KCNQ5: variants seen among roughly 807,000 people sequenced by gnomAD.
KCNQ5 encodes the protein potassium voltage-gated channel subfamily Q member 5.
Under a neutral mutation model 98.2 loss-of-function variants are expected in KCNQ5, and 30 were observed. The observed-to-expected ratio is 0.31, with a 90% CI of 0.23 to 0.41. The LOEUF is 0.41. KCNQ5 is among the 10% of genes least tolerant of loss of function. KCNQ5 has a pLI of 1.00. For missense variants in KCNQ5, 835 were observed against 1,182.5 expected, an observed-to-expected ratio of 0.71 and a Z score of 4.31; for synonymous variants, 458 against 449.4, an observed-to-expected ratio of 1.02 and a Z score of -0.24.
intron 1 of KCNQ5, among the ~76,000 whole-genome samples, chr6:72,676,214 C>T (rs1453651121): frequency 2.0e-5 from 3 of 152,126 alleles, no homozygotes; most frequent in Non-Finnish European, 4.4e-5. Flanking sequence ...CACAAAGACA[C>T]ATCAGCATGC....
intron 1 of KCNQ5, among the ~76,000 whole-genome samples, chr6:72,918,147 T>G (rs1394457801): frequency 6.6e-6 from 1 of 152,160 alleles, no homozygotes; most frequent in Non-Finnish European, 1.5e-5. Flanking sequence ...GAGTTTCCTG[T>G]GTCACTATGC....
chr6:72,836,679 C>T (rs1024230779), intron 1 of KCNQ5, among the ~76,000 whole-genome samples: 2 of 152,070 alleles, frequency 1.3e-5, no homozygotes, highest in African/African-American at 4.8e-5. Context: ...CTTCAGCAAT[C>T]CTCTTGCCTC....
chr6:73,048,431 C>T (rs1772068600), intron 3 of KCNQ5, among the ~76,000 whole-genome samples: 2 of 152,186 alleles, frequency 1.3e-5, no homozygotes, highest in South Asian at 4.1e-4. Flanking sequence ...ATAGGGGAGA[C>T]AGGCAGAGGT....
chr6:72,763,059 G>T lies in KCNQ5; in HGVS notation c.398+140472G>T, dbSNP rs555423196. On this transcript the variant is annotated intron_variant, in intron 1 of 13. Coordinates refer to ENST00000370398, the MANE Select transcript of KCNQ5 (RefSeq NM_019842.4). ...ATAAAAATTTGTTCCATAAATGGTA[G>T]ATTTTAGTTTACCTAGGGGTAAACT... 6.6e-5 allele frequency among the ~76,000 whole-genome samples: 10 copies of T among 151,952 alleles called. No homozygotes were observed. In the East Asian group the frequency reaches 1.2e-3, roughly 18 times the overall value.
intron 9 of KCNQ5, among the ~76,000 whole-genome samples, chr6:73,132,065 T>A (rs1776261751): frequency 6.6e-6 from 1 of 152,212 alleles, no homozygotes; most frequent in South Asian, 2.1e-4. Flanking sequence ...CAACTAGGCA[T>A]GGAAAAATAA....
intron 1 of KCNQ5, among the ~76,000 whole-genome samples, chr6:72,781,195 A>G (rs1331719544): frequency 1.3e-5 from 2 of 152,164 alleles, no homozygotes; most frequent in Non-Finnish European, 2.9e-5. Flanking sequence ...AGGAACATGA[A>G]GGCCAAGACA....
intron 1 of KCNQ5, among the ~76,000 whole-genome samples, chr6:72,792,812 T>C (rs990929842): frequency 6.6e-6 from 1 of 152,238 alleles, no homozygotes; most frequent in Non-Finnish European, 1.5e-5. Context: ...TATTTAGGGA[T>C]GCATGGGAAC....
intron 2 of KCNQ5, among the ~76,000 whole-genome samples, chr6:73,004,336 T>C (rs1769724835): frequency 6.6e-6 from 1 of 152,196 alleles, no homozygotes; most frequent in Non-Finnish European, 1.5e-5. Context: ...AGGCCTCTCA[T>C]TATATTGTGA....
intron 8 of KCNQ5, among the ~76,000 whole-genome samples, chr6:73,123,526 A>T (rs1343776998): frequency 3.3e-5 from 5 of 152,196 alleles, no homozygotes; most frequent in Admixed American, 2.6e-4. Context: ...TACAACCAGC[A>T]GTTCCTTACT....
chr6:73,076,525 TC>T (rs1773549516), intron 3 of KCNQ5, among the ~76,000 whole-genome samples: 1 of 152,202 alleles, frequency 6.6e-6, no homozygotes, highest in South Asian at 2.1e-4. Context: ...CATCAGATGC[TC>T]TTTTTCTCTT....
In KCNQ5 at chr6:73,169,249, T is replaced by C. The variant is rs550449882; in HGVS notation, c.1469-497T>C. Among the ~76,000 whole-genome samples the C allele has an allele frequency of 1.1e-4, 17 of 152,338 alleles. No individual in the cohort carries two copies. In the South Asian group the frequency reaches 2.1e-3, roughly 19 times the overall value. ...TGAAGCAAGCTCTTTCCTGGCTGCC[T>C]GTATCCAGTAACTAATAAGTAGTCA... On this transcript the variant is annotated intron_variant, in intron 10 of 13. Coordinates refer to ENST00000370398, the MANE Select transcript of KCNQ5 (RefSeq NM_019842.4).
At chr6:72,913,935 TAAC>T (rs1234136871) in intron 1 of KCNQ5, among the ~76,000 whole-genome samples, 2 of 152,220 alleles carry the variant, frequency 1.3e-5, no homozygotes, top group Admixed American at 1.3e-4. Flanking sequence ...TGGGGGAACT[TAAC>T]AAGGCGTGTT....
At position 72,622,323 on chromosome 6, in the gene KCNQ5, G is replaced by T; in HGVS notation, c.134G>T (p.Arg45Met). 7.1e-7 allele frequency: 1 copy of T among 1,402,902 alleles called. No individual in the cohort carries two copies. Among genetic ancestry groups the T allele is most frequent in the East Asian group, 2.9e-5 (1 of 35,036 alleles). The allele number at this position is 1,402,902 out of a possible 1,614,324, so 86.9% of individuals were successfully genotyped here. Residue 45 changes from arginine (R) to methionine (M), a missense_variant, in exon 1 of 14, where the codon AGG (arginine) becomes ATG (methionine). Around this residue, in one of 10 missense-constraint regions of KCNQ5, gnomAD observed 80 missense variants for 72.3 expected, o/e 1.11. Transcript: ENST00000370398. The surrounding 1 kb of genome is among the most constrained non-coding windows in gnomAD (Gnocchi z 6.0). ...AAGGATGTGGAGTCCGGCCGGGGCA[G>T]GGTGCTGCTGAACTCGGCAGCCGCC... The part of the protein sequence containing the change: ...GMKDVESGRG[R>M]VLLNSAAARG...
intron 5 of KCNQ5, among the ~76,000 whole-genome samples, chr6:73,096,665 A>T (rs953147551): frequency 9.9e-5 from 15 of 152,202 alleles, no homozygotes; most frequent in African/African-American, 3.6e-4. Flanking sequence ...TCTGGGGTAG[A>T]AAGTGATGCT....
intron 1 of KCNQ5, among the ~76,000 whole-genome samples, chr6:72,829,911 T>C (rs1371213802): frequency 2.0e-5 from 3 of 152,148 alleles, no homozygotes; most frequent in Non-Finnish European, 4.4e-5. Context: ...GATTTCTGTA[T>C]TGATAGGTAA....
At chr6:72,714,553 T>C (rs1769543458) in intron 1 of KCNQ5, among the ~76,000 whole-genome samples, 2 of 152,234 alleles carry the variant, frequency 1.3e-5, no homozygotes, top group South Asian at 4.1e-4. Context: ...AACAGTTGCT[T>C]ATATAATTCA....
At position 72,736,450 on chromosome 6, in the gene KCNQ5, A is replaced by G. The variant is rs79688613; in HGVS notation, c.398+113863A>G. Among the ~76,000 whole-genome samples the G allele has an allele frequency of 2.7e-3, 412 of 152,000 alleles. 2 individuals carry two copies. The highest frequency in any genetic ancestry group is 9.5e-3 in the African/African-American group (392 of 41,388). On this transcript the variant is annotated intron_variant, in intron 1 of 13. Transcript: ENST00000370398. ...TGCTTATGAAGTAATATAAAATGAG[A>G]AAGTGTAGAATTAACATAATATAAA...
intron 9 of KCNQ5, among the ~76,000 whole-genome samples, chr6:73,129,092 G>A (rs1310228288): frequency 6.6e-6 from 1 of 152,168 alleles, no homozygotes; most frequent in Non-Finnish European, 1.5e-5. Context: ...AATAAGACTA[G>A]ATTTTGGTTT....
intron 2 of KCNQ5, among the ~76,000 whole-genome samples, chr6:73,039,992 T>C (rs1387356988): frequency 6.6e-6 from 1 of 151,914 alleles, no homozygotes; most frequent in African/African-American, 2.4e-5. Context: ...TTTATGAATT[T>C]TGAGACTGTC....
Sources: allele counts gnomAD v4.1 joint callset (sites outside exome capture counted in the v4.1 genomes callset), GRCh38; gene constraint gnomAD v4.1.1; regional missense constraint gnomAD v4.1.1; non-coding constraint Gnocchi (gnomAD v3.1); transcripts MANE v1.5; gene names NCBI Gene and HGNC (gene_info 2026-07-23, HGNC 2026-07-21).